The following NPAS2 variants were observed in gnomAD, a reference collection of about 807,000 sequenced individuals.
NPAS2 encodes neuronal PAS domain protein 2, also known as neuronal PAS domain-containing protein 2.
Under a neutral mutation model 107.5 loss-of-function variants are expected in NPAS2, and 23 were observed. The observed-to-expected ratio is 0.21, with a 90% CI of 0.15 to 0.30. The LOEUF is 0.30. NPAS2 is among the 10% of genes least tolerant of loss of function. NPAS2 has a pLI of 1.00. For synonymous variants in NPAS2, 403 were observed against 417.5 expected, an observed-to-expected ratio of 0.97 and a Z score of 0.42; for missense variants, 756 against 1,043.3, an observed-to-expected ratio of 0.72 and a Z score of 3.79.
intron 2 of NPAS2, among the ~76,000 whole-genome samples, chr2:100,906,539 C>T (rs781527346): frequency 9.8e-5 from 15 of 152,324 alleles, no homozygotes; most frequent in Non-Finnish European, 1.6e-4. Context: ...TTTAAATATT[C>T]ATCATTACAT....
intron 1 of NPAS2, chr2:100,846,810 C>T (rs1442763894): frequency 6.6e-6 from 1 of 152,164 alleles, no homozygotes; most frequent in African/African-American, 2.4e-5. Context: ...GTTAACTCAT[C>T]TACTCATGCT....
chr2:100,915,391 A>G (rs1682820600), intron 2 of NPAS2, among the ~76,000 whole-genome samples: 2 of 152,194 alleles, frequency 1.3e-5, no homozygotes, highest in East Asian at 3.9e-4. Flanking sequence ...TGGGAACCAG[A>G]AGGTACTGGG....
chr2:100,928,216 C>T (rs1156826668), intron 3 of NPAS2, among the ~76,000 whole-genome samples: 1 of 151,998 alleles, frequency 6.6e-6, no homozygotes, highest in Non-Finnish European at 1.5e-5. Flanking sequence ...TGTTAAAAGT[C>T]AGGAAAGACC....
chr2:100,968,311 G>A lies in NPAS2; in HGVS notation c.938G>A (p.Cys313Tyr), dbSNP rs1028062953. The change falls in exon 11 of 21, where the codon TGC becomes TAC. Residue 313 changes from cysteine to tyrosine, a missense_variant. Transcript: ENST00000335681. This position sits in a 1 kb window ranked among gnomAD's most constrained non-coding sequence, Gnocchi z 5.3. The stretch of plus-strand genomic sequence containing the variant: ...CAGTTTGGCAAAGGGAAGTCGTGTT[G>A]CTACCGGTTTCTGACCAAAGGTCAG... Reference protein sequence around the residue: ...LMQFGKGKSCCYRFLTKGQQW... With the variant: ...LMQFGKGKSCYYRFLTKGQQW... 1.9e-6 allele frequency: 3 copies of A among 1,614,000 alleles called. No homozygotes were observed. In the African/African-American group the frequency reaches 4.0e-5, roughly 22 times the overall value.
chr2:100,988,844 GCC>G (rs1461701129), intron 17 of NPAS2: 8 of 209,558 alleles, frequency 3.8e-5, no homozygotes, highest in Non-Finnish European at 7.0e-5. Context: ...GCTCCTCCAG[GCC>G]CCCACTGCTC....
chr2:100,914,951 C>G (rs925127181), intron 2 of NPAS2, among the ~76,000 whole-genome samples: 2 of 152,158 alleles, frequency 1.3e-5, no homozygotes, highest in East Asian at 3.9e-4. Flanking sequence ...ATCTCCTAGC[C>G]TAGACTCAAT....
intron 1 of NPAS2, among the ~76,000 whole-genome samples, chr2:100,883,153 T>C (rs1337752219): frequency 6.6e-6 from 1 of 152,134 alleles, no homozygotes; most frequent in Non-Finnish European, 1.5e-5. Flanking sequence ...GACCCACAAG[T>C]GTAGCTATTT....
chr2:100,871,199 T>C (rs546429628), intron 1 of NPAS2, among the ~76,000 whole-genome samples: 4 of 152,352 alleles, frequency 2.6e-5, no homozygotes, highest in Admixed American at 6.5e-5. Flanking sequence ...ATATTACCTT[T>C]GGCTACTTTC....
chr2:100,955,767 C>T (rs1324691726), intron 7 of NPAS2, among the ~76,000 whole-genome samples: 5 of 152,160 alleles, frequency 3.3e-5, no homozygotes, highest in African/African-American at 9.7e-5. Flanking sequence ...CCTCCCACCA[C>T]ATCAAGCCGC....
chr2:100,980,985 C>T (rs1207785223), intron 15 of NPAS2, among the ~76,000 whole-genome samples: 1 of 66,410 alleles, frequency 1.5e-5, no homozygotes, highest in African/African-American at 1.2e-4. Flanking sequence ...GGCATGGGCT[C>T]GTCGTGAAGC....
intron 1 of NPAS2, among the ~76,000 whole-genome samples, chr2:100,842,077 A>ACGCGCG (rs1553441809): frequency 4.1e-4 from 38 of 92,362 alleles, no homozygotes; most frequent in African/African-American, 5.8e-4. Flanking sequence ...GTGTGCATGT[A>ACGCGCG]CGCGCACACA....
chr2:100,918,327 A>G lies in NPAS2; in HGVS notation c.33-6819A>G, dbSNP rs921756546. ...AGAAGAAAAAATAGAAAGTCTTTGTAGTCTATAAGGTTAGGCAAAGAGTTC... is the reference window on the plus strand; with the variant it reads ...AGAAGAAAAAATAGAAAGTCTTTGTGGTCTATAAGGTTAGGCAAAGAGTTC... On this transcript the variant is annotated intron_variant, in intron 2 of 20. Transcript: ENST00000335681. Among the ~76,000 whole-genome samples, 4 of 152,320 alleles carry G rather than the reference A, an allele frequency of 2.6e-5. No individual in the cohort carries two copies. The East Asian group carries it at 7.7e-4, about 29-fold the overall frequency.
chr2:100,931,795 C>T (rs954569507), intron 3 of NPAS2, among the ~76,000 whole-genome samples: 2 of 152,164 alleles, frequency 1.3e-5, no homozygotes, highest in African/African-American at 4.8e-5. Context: ...TAACTCAGCT[C>T]TTTACATCTT....
chr2:100,988,298 T>G (rs1178905249), intron 17 of NPAS2, 22 bp downstream of exon 17: 1 of 1,601,800 alleles, frequency 6.2e-7, no homozygotes, highest in Admixed American at 1.7e-5. Flanking sequence ...CCTTGCCAGC[T>G]TCACTCCTTG....
chr2:100,926,110 C>T (rs552091092), intron 3 of NPAS2, among the ~76,000 whole-genome samples: 4 of 152,208 alleles, frequency 2.6e-5, no homozygotes, highest in South Asian at 2.1e-4. Flanking sequence ...TACTTCATTC[C>T]GTTTCATGGA....
intron 10 of NPAS2, among the ~76,000 whole-genome samples, chr2:100,967,226 A>C (rs1676267292): frequency 6.8e-6 from 1 of 147,632 alleles, no homozygotes; most frequent in Non-Finnish European, 1.5e-5. Context: ...CACATTCTCC[A>C]AGTCAGTGTC....
chr2:100,899,923 G>A (rs1284467182), intron 1 of NPAS2, among the ~76,000 whole-genome samples: 1 of 152,100 alleles, frequency 6.6e-6, no homozygotes, highest in Non-Finnish European at 1.5e-5. Flanking sequence ...AATAATGTCC[G>A]AGCCCTATCC....
At chr2:100,917,231 T>C (rs1332423092) in intron 2 of NPAS2, among the ~76,000 whole-genome samples, 1 of 152,092 alleles carries the variant, frequency 6.6e-6, no homozygotes, top group African/African-American at 2.4e-5. Context: ...TAAAAGGTGA[T>C]TTTTTAAAAG....
At chr2:100,825,183 C>T (rs560762573) in intron 1 of NPAS2, among the ~76,000 whole-genome samples, 16 of 152,290 alleles carry the variant, frequency 1.1e-4, no homozygotes, top group South Asian at 6.2e-4. Flanking sequence ...AACCTAGTGG[C>T]GTGATTCTTC....
Sources: gnomAD v4.1 joint callset for allele counts (sites outside exome capture counted in the v4.1 genomes callset) on GRCh38, gnomAD v4.1.1 for gene constraint, Gnocchi (gnomAD v3.1) non-coding constraint, MANE v1.5 for transcripts, NCBI Gene and HGNC (gene_info 2026-07-23, HGNC 2026-07-21) for gene names.